The following CTNNA2 variants were observed in gnomAD, a reference collection of about 807,000 sequenced individuals.
CTNNA2 encodes the protein catenin alpha 2.
Under a neutral mutation model 101.0 loss-of-function variants are expected in CTNNA2, and 42 were observed. The observed-to-expected ratio is 0.42, with a 90% CI of 0.32 to 0.54. CTNNA2 has a LOEUF of 0.54. CTNNA2 is among the 20% of genes least tolerant of loss of function. The pLI is 0.14. For synonymous variants in CTNNA2, 450 were observed against 456.4 expected (o/e 0.99, Z 0.18); for missense variants, 871 against 1,223.1 (o/e 0.71, Z 4.29).
At chr2:79,461,494 C>A (rs1670878657) in intron 4 of CTNNA2, among the ~76,000 whole-genome samples, 1 of 152,080 alleles carries the variant, frequency 6.6e-6, no homozygotes, top group African/African-American at 2.4e-5. Context: ...ACATTGACAC[C>A]GTGTTTGGGA....
chr2:79,281,079 G>GGGGCTT, intron 2 of CTNNA2, among the ~76,000 whole-genome samples: 1 of 151,974 alleles, frequency 6.6e-6, no homozygotes, highest in African/African-American at 2.4e-5. Context: ...ACCAGCTAAA[G>GGGGCTT]CATCATTAGC....
At chr2:80,629,243 C>T (rs1010941267) in intron 18 of CTNNA2, among the ~76,000 whole-genome samples, 18 of 152,096 alleles carry the variant, frequency 1.2e-4, no homozygotes, top group African/African-American at 1.2e-4. Context: ...GAGCAACCAA[C>T]GAATCAAGGT....
intron 9 of CTNNA2, among the ~76,000 whole-genome samples, chr2:80,445,822 T>A (rs1323393511): frequency 6.6e-6 from 1 of 152,182 alleles, no homozygotes; most frequent in African/African-American, 2.4e-5. Context: ...TATTTTTTAT[T>A]TACTTGGGAT....
intron 18 of CTNNA2, among the ~76,000 whole-genome samples, chr2:80,625,686 T>C (rs34996341): frequency 0.36 from 54,787 of 151,564 alleles, 10,541 homozygotes; most frequent in East Asian, 0.45. Context: ...AGCTTCTTTA[T>C]CATCCTTTCT....
chr2:79,939,289 G>T (rs1204242518), intron 7 of CTNNA2, among the ~76,000 whole-genome samples: 1 of 152,168 alleles, frequency 6.6e-6, no homozygotes, highest in Non-Finnish European at 1.5e-5. Flanking sequence ...TCCAAATTGA[G>T]ACTTGTGACT....
At chr2:79,979,995 A>C (rs903504221) in intron 7 of CTNNA2, among the ~76,000 whole-genome samples, 1 of 152,168 alleles carries the variant, frequency 6.6e-6, no homozygotes, top group African/African-American at 2.4e-5. Flanking sequence ...GCATCCGATG[A>C]CCTCTAAGTG....
At chr2:79,993,110 G>A (rs968985054) in intron 7 of CTNNA2, among the ~76,000 whole-genome samples, 2 of 152,148 alleles carry the variant, frequency 1.3e-5, no homozygotes, top group African/African-American at 4.8e-5. Context: ...TCAAACTCTT[G>A]CATAATGTCA....
chr2:80,026,775 C>A (rs1047538027), intron 7 of CTNNA2, among the ~76,000 whole-genome samples: 7 of 152,118 alleles, frequency 4.6e-5, no homozygotes, highest in African/African-American at 1.7e-4. Context: ...AATACTATTA[C>A]AAATAAATCT....
At chr2:79,351,213 T>C (rs781746722) in intron 3 of CTNNA2, among the ~76,000 whole-genome samples, 9 of 152,194 alleles carry the variant, frequency 5.9e-5, no homozygotes, top group Non-Finnish European at 1.2e-4. Flanking sequence ...CCTAGACCAA[T>C]GTTCAGAAGA....
At chr2:79,642,741 T>C (rs1175116006) in intron 1 of CTNNA2, among the ~76,000 whole-genome samples, 1 of 151,316 alleles carries the variant, frequency 6.6e-6, no homozygotes, top group Non-Finnish European at 1.5e-5. Flanking sequence ...TTTTACTCTC[T>C]AGGGCTATGT....
At chr2:80,052,864 A>G (rs1696969771) in intron 7 of CTNNA2, among the ~76,000 whole-genome samples, 1 of 152,166 alleles carries the variant, frequency 6.6e-6, no homozygotes, top group Admixed American at 6.5e-5. Context: ...GTGTCCTTAT[A>G]AGTACAGATG....
At chr2:80,105,178 A>G (rs576219637) in intron 7 of CTNNA2, among the ~76,000 whole-genome samples, 3 of 152,346 alleles carry the variant, frequency 2.0e-5, no homozygotes, top group Admixed American at 2.0e-4. Context: ...ATACACCAAC[A>G]GAATGATTGA....
At chr2:80,537,339 G>A (rs562291516) in intron 9 of CTNNA2, among the ~76,000 whole-genome samples, 1 of 152,162 alleles carries the variant, frequency 6.6e-6, no homozygotes, top group Non-Finnish European at 1.5e-5. Context: ...TGGACATTTG[G>A]TTGGTACTAT....
At chr2:79,231,766 C>G (rs909413063) in intron 2 of CTNNA2, among the ~76,000 whole-genome samples, 1 of 151,992 alleles carries the variant, frequency 6.6e-6, no homozygotes, top group Non-Finnish European at 1.5e-5. Flanking sequence ...CTTGAAGAGA[C>G]TTTTTACCTC....
chr2:79,383,488 C>A (rs761935889), intron 4 of CTNNA2, among the ~76,000 whole-genome samples: 1 of 152,066 alleles, frequency 6.6e-6, no homozygotes, highest in Non-Finnish European at 1.5e-5. Flanking sequence ...AATACCCATG[C>A]TGTTAGAGGG....
intron 15 of CTNNA2, among the ~76,000 whole-genome samples, chr2:80,594,109 A>G (rs1161497811): frequency 6.6e-6 from 1 of 152,028 alleles, no homozygotes; most frequent in Admixed American, 6.5e-5. Context: ...AAGTGTTCAA[A>G]TTTTTCCACA....
chr2:79,915,904 G>A (rs1242469838), intron 7 of CTNNA2, among the ~76,000 whole-genome samples: 2 of 152,146 alleles, frequency 1.3e-5, no homozygotes, highest in African/African-American at 2.4e-5. Flanking sequence ...GAGAAAGATC[G>A]AAACCTTCCG....
chr2:79,915,049 C>A (rs866513675), intron 7 of CTNNA2, among the ~76,000 whole-genome samples: 1 of 151,820 alleles, frequency 6.6e-6, no homozygotes, highest in East Asian at 1.9e-4. Context: ...ATGGCCTATA[C>A]ACAGCAAGCC....
chr2:80,462,035 C>T (rs1172125486), intron 9 of CTNNA2, among the ~76,000 whole-genome samples: 1 of 152,166 alleles, frequency 6.6e-6, no homozygotes, highest in Non-Finnish European at 1.5e-5. Context: ...ATTTAAAAGT[C>T]AGTTAACTTA....
Sources: allele counts gnomAD v4.1 joint callset (sites outside exome capture counted in the v4.1 genomes callset), GRCh38; gene constraint gnomAD v4.1.1; transcripts MANE v1.5; gene names NCBI Gene and HGNC (gene_info 2026-07-23, HGNC 2026-07-21).